The following MGST1 variants were observed in gnomAD, a reference collection of about 807,000 sequenced individuals.
MGST1 encodes microsomal glutathione S-transferase 1.
Under a neutral mutation model 8.9 loss-of-function variants are expected in MGST1, and 5 were observed. That is an observed-to-expected ratio of 0.56 (90% CI 0.29 to 1.19). MGST1 has a LOEUF of 1.19. Among genes scored for constraint, MGST1 ranks in the 50% most tolerant of loss-of-function variants. MGST1 has a pLI of 0.08. For synonymous variants in MGST1, 54 were observed against 67.8 expected, an observed-to-expected ratio of 0.80 and a Z score of 1.00; for missense variants, 182 against 187.4, an observed-to-expected ratio of 0.97 and a Z score of 0.17.
rs3852576 is a variant in MGST1, at chr12:16,363,345, A to G, written c.222-450A>G. On this transcript the variant is annotated intron_variant, in intron 3 of 3. Transcript: ENST00000396210. The surrounding 1 kb of genome is among the most constrained non-coding windows in gnomAD (Gnocchi z 4.6). ...GTTTGGGTTGGCAAGGATTCTGTCAATAATCATTTGGTAGAGTAGCAGAAG... is the reference window on the plus strand; with the variant it reads ...GTTTGGGTTGGCAAGGATTCTGTCAGTAATCATTTGGTAGAGTAGCAGAAG... 0.63 allele frequency: 95,126 copies of G among 152,172 alleles called. 30,957 individuals are homozygous for G. Among genetic ancestry groups the G allele is most frequent in the East Asian group, 0.96 (4,946 of 5,174 alleles). 9.4% of individuals were successfully genotyped at this position (152,172 alleles called of 1,614,324 possible).
At position 16,560,598 on chromosome 12, in the gene MGST1, A is replaced by G. The variant is rs1032830733; in HGVS notation, n.483-28930A>G. 45 of 1,475,062 alleles carry G rather than the reference A, an allele frequency of 3.1e-5. 1 individual carries two copies. Among genetic ancestry groups the G allele is most frequent in the Non-Finnish European group, 3.8e-5 (41 of 1,067,058 alleles). The allele number at this position is 1,475,062 out of a possible 1,614,324, so 91.4% of individuals were successfully genotyped here. On this transcript the variant is annotated intron_variant and non_coding_transcript_variant, in intron 4 of 4. Transcript: ENST00000538857. This position sits in a 1 kb window ranked among gnomAD's most constrained non-coding sequence, Gnocchi z 5.0. ...TCTTACAGAGAAATCTGAGATCGTG[A>G]AGAGAGATGATGTTAATATACTCTG...
chr12:16,390,923 C>G (rs1940546652), intron 1 of MGST1, among the ~76,000 whole-genome samples: 1 of 152,054 alleles, frequency 6.6e-6, no homozygotes, highest in Non-Finnish European at 1.5e-5. Flanking sequence ...ACACTCCCAC[C>G]AAGAGTGCAT....
chr12:16,453,010 C>A (rs920056713), intron 4 of MGST1, among the ~76,000 whole-genome samples: 3 of 151,900 alleles, frequency 2.0e-5, no homozygotes, highest in East Asian at 1.9e-4. Flanking sequence ...TGTTCCCAAT[C>A]TTAATTTAAC....
chr12:16,492,982 GC>G (rs1941449017), intron 4 of MGST1, among the ~76,000 whole-genome samples: 1 of 152,118 alleles, frequency 6.6e-6, no homozygotes, highest in South Asian at 2.1e-4. Context: ...ATCAAAATAT[GC>G]CATTACCCTA....
chr12:16,368,072 G>A (rs1230090610), downstream of MGST1, among the ~76,000 whole-genome samples: 1 of 152,084 alleles, frequency 6.6e-6, no homozygotes, highest in African/African-American at 2.4e-5. Flanking sequence ...AAAGGTAATT[G>A]TACAATCTCT....
chr12:16,536,540 C>A (rs1342749291), intron 4 of MGST1, among the ~76,000 whole-genome samples: 2 of 152,136 alleles, frequency 1.3e-5, no homozygotes, highest in Non-Finnish European at 2.9e-5. Context: ...AGTAAAAAGG[C>A]AACCTTGAAA....
At chr12:16,355,890 C>T (rs1939695873) in intron 2 of MGST1, among the ~76,000 whole-genome samples, 1 of 152,138 alleles carries the variant, frequency 6.6e-6, no homozygotes, top group Non-Finnish European at 1.5e-5. Flanking sequence ...AAGCAACAAA[C>T]ATTTGTCTCA....
At position 16,571,464 on chromosome 12, in the gene MGST1, C is replaced by G. The variant is rs527373151; in HGVS notation, n.483-18064C>G. 3.3e-5 allele frequency among the ~76,000 whole-genome samples: 5 copies of G among 152,128 alleles called. No individual in the cohort carries two copies. The South Asian group carries it at 1.0e-3, about 32-fold the overall frequency. ...TTTAAGAAGGTACTCTAAACACAAT[C>G]ATTTGAAAAAATATATAGATTGAAT... On this transcript the variant is annotated intron_variant and non_coding_transcript_variant, in intron 4 of 4. Transcript: ENST00000538857.
intron 4 of MGST1, among the ~76,000 whole-genome samples, chr12:16,467,444 G>C (rs1329963457): frequency 1.3e-5 from 2 of 152,078 alleles, no homozygotes; most frequent in Non-Finnish European, 2.9e-5. Context: ...TTTTAAAATG[G>C]AACTGTGACT....
At chr12:16,350,704 T>G (rs893122390) in intron 1 of MGST1, 1 of 152,218 alleles carries the variant, frequency 6.6e-6, no homozygotes, top group African/African-American at 2.4e-5. Flanking sequence ...AACTACTATT[T>G]CTTAATGTTC....
intron 4 of MGST1, among the ~76,000 whole-genome samples, chr12:16,493,659 GT>G (rs1941453289): frequency 6.6e-6 from 1 of 152,106 alleles, no homozygotes; most frequent in Admixed American, 6.6e-5. Flanking sequence ...CAGAGACCTA[GT>G]TTTGAATAAG....
intron 4 of MGST1, among the ~76,000 whole-genome samples, chr12:16,553,113 G>T (rs2137259572): frequency 6.6e-6 from 1 of 152,176 alleles, no homozygotes; most frequent in Middle Eastern, 3.4e-3. Context: ...TGTGCTAAAT[G>T]CTAAGCATGT....
In MGST1 at chr12:16,548,192, C is replaced by T. The variant is rs1185513707; in HGVS notation, n.483-41336C>T. Among the ~76,000 whole-genome samples, 3 of 152,230 alleles carry T rather than the reference C, an allele frequency of 2.0e-5. No individual in the cohort carries two copies. The highest frequency in any genetic ancestry group is 2.9e-5 in the Non-Finnish European group (2 of 67,992). ...CCCCATAAAAATAAATAGCGGTAAA[C>T]GACCTAGCGCAGAGATCCTAAACAT... On this transcript the variant is annotated intron_variant and non_coding_transcript_variant, in intron 4 of 4. Coordinates refer to the MGST1 transcript ENST00000538857. This position sits in a 1 kb window ranked among gnomAD's most constrained non-coding sequence, Gnocchi z 4.2.
intron 4 of MGST1, among the ~76,000 whole-genome samples, chr12:16,479,270 T>G (rs1477943500): frequency 7.2e-6 from 1 of 138,808 alleles, no homozygotes; most frequent in Non-Finnish European, 1.5e-5. Flanking sequence ...AGTCTCGCTC[T>G]GTCGCCCAGG....
chr12:16,528,157 T>C (rs574633488), intron 4 of MGST1, among the ~76,000 whole-genome samples: 1 of 152,180 alleles, frequency 6.6e-6, no homozygotes, highest in South Asian at 2.1e-4. Flanking sequence ...TCGTTTTGGC[T>C]TGTTTTCGCC....
chr12:16,529,182 C>T (rs545393556), intron 4 of MGST1, among the ~76,000 whole-genome samples: 6 of 152,026 alleles, frequency 3.9e-5, no homozygotes, highest in East Asian at 3.9e-4. Flanking sequence ...GTTTCTCTCT[C>T]GCTCACTCTT....
At chr12:16,515,108 C>G (rs1941603402) in intron 4 of MGST1, among the ~76,000 whole-genome samples, 1 of 152,178 alleles carries the variant, frequency 6.6e-6, no homozygotes, top group African/African-American at 2.4e-5. Flanking sequence ...GGTCTGTCCT[C>G]TCATCATGGA....
At chr12:16,417,002 A>G (rs1209879312) in intron 1 of MGST1, among the ~76,000 whole-genome samples, 17 of 152,210 alleles carry the variant, frequency 1.1e-4, no homozygotes, top group Admixed American at 1.1e-3. Context: ...CAATTCCTGT[A>G]TGGATTAATT....
intron 1 of MGST1, among the ~76,000 whole-genome samples, chr12:16,414,071 A>AT (rs200278639): frequency 0.26 from 39,905 of 151,580 alleles, 5,786 homozygotes; most frequent in East Asian, 0.4. Flanking sequence ...ACAAAAAAAA[A>AT]AATAATAATA....
Sources: allele counts gnomAD v4.1 joint callset (sites outside exome capture counted in the v4.1 genomes callset), GRCh38; gene constraint gnomAD v4.1.1; non-coding constraint Gnocchi (gnomAD v3.1); transcripts MANE v1.5; gene names NCBI Gene and HGNC (gene_info 2026-07-23, HGNC 2026-07-21).